The following CCDC192 variants were observed in gnomAD, a reference collection of about 807,000 sequenced individuals.
CCDC192 encodes the protein coiled-coil domain-containing protein 192.
At chr5:127,775,452 C>T (rs974371712) in intron 3 of CCDC192, among the ~76,000 whole-genome samples, 10 of 152,230 alleles carry the variant, frequency 6.6e-5, no homozygotes, top group Admixed American at 2.6e-4. Flanking sequence ...TTTCCCCTTG[C>T]TCCCTCTGCC....
chr5:127,920,322 T>C (rs1203540652), intron 6 of CCDC192, among the ~76,000 whole-genome samples: 3 of 152,078 alleles, frequency 2.0e-5, no homozygotes, highest in African/African-American at 7.2e-5. Context: ...TAACATTTCA[T>C]TGATTTATCA....
intron 3 of CCDC192, among the ~76,000 whole-genome samples, chr5:127,772,698 C>G (rs867969949): frequency 6.6e-5 from 10 of 152,256 alleles, no homozygotes; most frequent in Non-Finnish European, 2.9e-5. Context: ...ATACCCGTGT[C>G]AGAAATGATC....
At position 127,919,309 on chromosome 5, in the gene CCDC192, A is replaced by G. The variant is rs181582329; in HGVS notation, c.536-21873A>G. Among the ~76,000 whole-genome samples, 26 of 152,294 alleles carry G rather than the reference A, an allele frequency of 1.7e-4. No individual in the cohort carries two copies. The East Asian group carries it at 4.8e-3, about 28-fold the overall frequency. ...GAACTTTGTCAAGATGATAAAGGTG[A>G]GAATCCCTTTATCATACCACAGGAC... On this transcript the variant is annotated intron_variant, in intron 6 of 6. Transcript: ENST00000514853.
At chr5:127,716,079 T>G (rs767868458) in intron 2 of CCDC192, among the ~76,000 whole-genome samples, 20 of 152,222 alleles carry the variant, frequency 1.3e-4, no homozygotes, top group Admixed American at 6.5e-5. Context: ...CCAAATTTGT[T>G]GAGAGTTTTT....
intron 5 of CCDC192, among the ~76,000 whole-genome samples, chr5:127,848,032 A>C (rs1750640703): frequency 1.3e-5 from 2 of 151,972 alleles, no homozygotes; most frequent in East Asian, 2.0e-4. Context: ...TCCTGACCTC[A>C]AGTGATTCGC....
chr5:127,868,009 C>CT (rs11440985), intron 5 of CCDC192, among the ~76,000 whole-genome samples: 33,365 of 133,422 alleles, frequency 0.25, 4,241 homozygotes, highest in Non-Finnish European at 0.3. Context: ...TTTTCTTTTT[C>CT]TTTTTTTTTT....
At chr5:127,798,598 T>G (rs1409642016) in intron 5 of CCDC192, among the ~76,000 whole-genome samples, 1 of 152,182 alleles carries the variant, frequency 6.6e-6, no homozygotes, top group Non-Finnish European at 1.5e-5. Context: ...TTCTGTTTCC[T>G]GCATGCCTAG....
At chr5:127,916,846 T>G (rs954208963) in intron 6 of CCDC192, among the ~76,000 whole-genome samples, 1 of 152,208 alleles carries the variant, frequency 6.6e-6, no homozygotes, top group Non-Finnish European at 1.5e-5. Context: ...TTTGGAATGG[T>G]AAATGCACAT....
At chr5:127,760,458 G>A (rs1754850291) in intron 3 of CCDC192, among the ~76,000 whole-genome samples, 1 of 151,798 alleles carries the variant, frequency 6.6e-6, no homozygotes, top group South Asian at 2.1e-4. Context: ...GTACTGAAGC[G>A]AGATGAGGTA....
intron 5 of CCDC192, among the ~76,000 whole-genome samples, chr5:127,809,449 G>A (rs1408385069): frequency 6.6e-6 from 1 of 152,142 alleles, no homozygotes; most frequent in Admixed American, 6.5e-5. Flanking sequence ...TGGGGGGGAT[G>A]CTACCATTCA....
chr5:127,835,725 T>C (rs1413442124), intron 5 of CCDC192, among the ~76,000 whole-genome samples: 1 of 151,248 alleles, frequency 6.6e-6, no homozygotes, highest in African/African-American at 2.4e-5. Context: ...GAGGGAAGAG[T>C]CCCTTATAAA....
At chr5:127,760,068 G>A (rs1754824974) in intron 3 of CCDC192, among the ~76,000 whole-genome samples, 1 of 152,016 alleles carries the variant, frequency 6.6e-6, no homozygotes, top group South Asian at 2.1e-4. Flanking sequence ...ACCATACCTA[G>A]CAAAATATAG....
At chr5:127,927,833 G>A (rs1468962330) in intron 6 of CCDC192, among the ~76,000 whole-genome samples, 2 of 147,068 alleles carry the variant, frequency 1.4e-5, no homozygotes, top group African/African-American at 5.2e-5. Flanking sequence ...TTATTCAGAT[G>A]TTCTTTGGTT....
At chr5:127,733,219 G>C (rs576374055) in intron 2 of CCDC192, among the ~76,000 whole-genome samples, 38 of 152,212 alleles carry the variant, frequency 2.5e-4, no homozygotes, top group African/African-American at 9.1e-4. Context: ...AAGAGTTTCT[G>C]GTCCTTACAA....
intron 2 of CCDC192, among the ~76,000 whole-genome samples, chr5:127,747,693 C>T (rs1194007147): frequency 2.6e-5 from 4 of 151,948 alleles, no homozygotes; most frequent in Non-Finnish European, 5.9e-5. Flanking sequence ...CTGACTTCCA[C>T]AATGGTTGAA....
At chr5:127,848,915 CT>C (rs1750680831) in intron 5 of CCDC192, among the ~76,000 whole-genome samples, 1 of 152,150 alleles carries the variant, frequency 6.6e-6, no homozygotes. Context: ...GAAAGAAAGG[CT>C]TCTGTGTAAA....
intron 6 of CCDC192, among the ~76,000 whole-genome samples, chr5:127,876,490 C>CTAGG (rs1752084166): frequency 6.6e-6 from 1 of 152,200 alleles, no homozygotes; most frequent in Non-Finnish European, 1.5e-5. Context: ...CAGCCGCTGA[C>CTAGG]CATACCCTAG....
chr5:127,843,074 G>A (rs922197373), intron 5 of CCDC192, among the ~76,000 whole-genome samples: 2 of 116,262 alleles, frequency 1.7e-5, no homozygotes, highest in Non-Finnish European at 3.2e-5. Flanking sequence ...TTGCTCAGTT[G>A]CCCAGGCTGG....
At chr5:127,920,019 T>C (rs1179525492) in intron 6 of CCDC192, among the ~76,000 whole-genome samples, 1 of 152,246 alleles carries the variant, frequency 6.6e-6, no homozygotes, top group East Asian at 1.9e-4. Context: ...GACAGACTTA[T>C]GTCTATACAT....
Sources: gnomAD v4.1 joint callset for allele counts (sites outside exome capture counted in the v4.1 genomes callset) on GRCh38, gnomAD v4.1.1 for gene constraint, MANE v1.5 for transcripts, NCBI Gene and HGNC (gene_info 2026-07-23, HGNC 2026-07-21) for gene names.